Variants in AGPAT5 observed in about 807,000 individuals in gnomAD.
The protein encoded by AGPAT5 is 1-acyl-sn-glycerol-3-phosphate acyltransferase epsilon.
Under a neutral mutation model 45.6 loss-of-function variants are expected in AGPAT5, and 46 were observed. The ratio of observed to expected loss-of-function variants is 1.01; its 90% CI spans 0.80 to 1.29. The LOEUF is 1.29. Ranked by LOEUF, AGPAT5 falls within the 50% of genes most tolerant of loss-of-function variation. The pLI is 0.00. For synonymous variants in AGPAT5, 272 were observed against 167.0 expected (o/e 1.63, Z -4.85); for missense variants, 673 against 450.7 (o/e 1.49, Z -4.47).
In AGPAT5 at chr8:6,755,069, G is replaced by A. The variant is rs775113398; in HGVS notation, c.764G>A (p.Cys255Tyr). Residue 255 changes from cysteine to tyrosine, a missense_variant, in exon 7 of 8, where the codon TGT (cysteine) becomes TAT (tyrosine). By Grantham distance (194) the Cys-to-Tyr change is radical. Transcript: ENST00000285518. ...TTGTTAGAATTTCTCTGCAAAGAAT[G>A]TCCAAAAATTCATATTCACATTGAT... ...PTMTEFLCKECPKIHIHIDRI... is the reference protein window; with the variant it reads ...PTMTEFLCKEYPKIHIHIDRI... The A allele has an allele frequency of 2.5e-6, 4 of 1,592,828 alleles. No homozygotes were observed. Among genetic ancestry groups the A allele is most frequent in the Admixed American group, 3.7e-5 (2 of 54,084 alleles).
intron 1 of AGPAT5, among the ~76,000 whole-genome samples, chr8:6,719,801 G>T (rs1220604163): frequency 1.3e-5 from 2 of 152,148 alleles, no homozygotes; most frequent in African/African-American, 4.8e-5. Context: ...CCTAATGGTG[G>T]TATTCTACAT....
At position 6,710,429 on chromosome 8, in the gene AGPAT5, G is replaced by A. The variant is rs560183242; in HGVS notation, c.219+1542G>A. On this transcript the variant is annotated intron_variant, in intron 1 of 7. Transcript: ENST00000285518. ...AATTTTCATGCATTTATGAAAGGAT[G>A]CCTGAGGACCCTTAAGTATAATTCA... 4.6e-5 allele frequency among the ~76,000 whole-genome samples: 7 copies of A among 152,320 alleles called. No homozygotes were observed. The East Asian group carries it at 1.3e-3, about 29-fold the overall frequency.
At chr8:6,739,263 G>A (rs965735164) in intron 4 of AGPAT5, among the ~76,000 whole-genome samples, 15 of 151,942 alleles carry the variant, frequency 9.9e-5, no homozygotes, top group African/African-American at 3.6e-4. Flanking sequence ...AAGTTGTTTT[G>A]GCTATTTTAG....
chr8:6,732,094 T>G (rs983841454), intron 3 of AGPAT5, among the ~76,000 whole-genome samples: 1 of 152,140 alleles, frequency 6.6e-6, no homozygotes, highest in Non-Finnish European at 1.5e-5. Flanking sequence ...GTAGACTGAT[T>G]TGGGGGAACA....
At chr8:6,733,248 G>T (rs1800932050) in intron 4 of AGPAT5, among the ~76,000 whole-genome samples, 1 of 152,170 alleles carries the variant, frequency 6.6e-6, no homozygotes, top group Non-Finnish European at 1.5e-5. Flanking sequence ...GGCGACTTGG[G>T]CTTTCTCTTT....
At chr8:6,727,194 G>A (rs566177278) in intron 2 of AGPAT5, among the ~76,000 whole-genome samples, 1 of 152,282 alleles carries the variant, frequency 6.6e-6, no homozygotes, top group East Asian at 1.9e-4. Flanking sequence ...GAATAAATGA[G>A]TTTCCTGGCC....
chr8:6,756,720 C>T (rs1353335375), intron 7 of AGPAT5, among the ~76,000 whole-genome samples: 4 of 151,988 alleles, frequency 2.6e-5, no homozygotes, highest in African/African-American at 4.8e-5. Context: ...TGGTCTCTGC[C>T]GGGTATCCTG....
chr8:6,726,551 A>G (rs965880675), intron 2 of AGPAT5, among the ~76,000 whole-genome samples: 1 of 152,170 alleles, frequency 6.6e-6, no homozygotes, highest in Admixed American at 6.5e-5. Context: ...GATCACTAGT[A>G]CTGTTAATTT....
intron 6 of AGPAT5, among the ~76,000 whole-genome samples, chr8:6,753,330 C>T (rs1194466917): frequency 6.6e-6 from 1 of 152,064 alleles, no homozygotes; most frequent in African/African-American, 2.4e-5. Flanking sequence ...CTTGAAATAC[C>T]GGGTATCTGC....
chr8:6,737,540 T>C (rs938606258), intron 4 of AGPAT5, among the ~76,000 whole-genome samples: 19 of 152,224 alleles, frequency 1.2e-4, no homozygotes, highest in African/African-American at 4.3e-4. Context: ...AAGGAACTTA[T>C]TGGTTGTGGA....
chr8:6,743,549 A>G (rs1280324797), intron 5 of AGPAT5, among the ~76,000 whole-genome samples: 1 of 152,242 alleles, frequency 6.6e-6, no homozygotes, highest in Non-Finnish European at 1.5e-5. Context: ...TACCTCTTAT[A>G]GGAAACTTAG....
At chr8:6,728,126 G>A (rs929303363) in intron 2 of AGPAT5, among the ~76,000 whole-genome samples, 5 of 152,196 alleles carry the variant, frequency 3.3e-5, no homozygotes, top group Non-Finnish European at 7.3e-5. Flanking sequence ...TAGGGATGAG[G>A]AAATTAGACT....
At chr8:6,712,082 G>A (rs1401514662) in intron 1 of AGPAT5, among the ~76,000 whole-genome samples, 1 of 152,092 alleles carries the variant, frequency 6.6e-6, no homozygotes, top group Non-Finnish European at 1.5e-5. Flanking sequence ...TCAGTATTTT[G>A]TAGTTATTTC....
At chr8:6,752,760 G>C (rs980424759) in intron 6 of AGPAT5, among the ~76,000 whole-genome samples, 1 of 152,136 alleles carries the variant, frequency 6.6e-6, no homozygotes, top group Admixed American at 6.5e-5. Context: ...CATGTAACAT[G>C]AACTATCCTT....
chr8:6,747,812 G>C lies in AGPAT5; in HGVS notation c.729G>C (p.Glu243Asp), dbSNP rs1214134403. 1.9e-6 allele frequency: 3 copies of C among 1,614,130 alleles called. No homozygotes were observed. Among genetic ancestry groups the C allele is most frequent in the Non-Finnish European group, 1.7e-6 (2 of 1,180,002 alleles). The change falls in exon 6 of 8, where the codon GAG (glutamate) becomes GAC (aspartate). Residue 243 changes from glutamate (E) to aspartate (D), a missense_variant. Glu to Asp is a conservative substitution (Grantham distance 45, BLOSUM62 2). Coordinates refer to ENST00000285518, the MANE Select transcript of AGPAT5 (RefSeq NM_018361.5). The part of the protein sequence containing the change: ...EGKDDGGQRR[E>D]SPTMTEFLCK... ...AAGACGATGGAGGGCAGCGAAGAGA[G>C]TCACCGACCATGACGGGTAAGTGTG...
chr8:6,729,942 T>C (rs1800807688), intron 2 of AGPAT5, among the ~76,000 whole-genome samples: 1 of 152,226 alleles, frequency 6.6e-6, no homozygotes, highest in Non-Finnish European at 1.5e-5. Context: ...CTTTGTTTGA[T>C]TGCTGTCCTA....
intron 1 of AGPAT5, chr8:6,709,156 T>A: frequency 1.9e-6 from 1 of 538,482 alleles, no homozygotes; most frequent in South Asian, 2.0e-5. Flanking sequence ...TGATGCTGCT[T>A]AGCAAAGTGG....
chr8:6,717,909 T>C (rs28759314), intron 1 of AGPAT5, among the ~76,000 whole-genome samples: 3,388 of 152,274 alleles, frequency 0.022, 128 homozygotes, highest in African/African-American at 0.077. Flanking sequence ...CAGAGAGTAG[T>C]TTTGTCACAG....
At chr8:6,748,571 C>T (rs1234729831) in intron 6 of AGPAT5, among the ~76,000 whole-genome samples, 1 of 152,182 alleles carries the variant, frequency 6.6e-6, no homozygotes, top group Non-Finnish European at 1.5e-5. Flanking sequence ...GTGGCGCAAT[C>T]TTGGCTCACT....
Sources: gnomAD v4.1 joint callset for allele counts (sites outside exome capture counted in the v4.1 genomes callset) on GRCh38, gnomAD v4.1.1 for gene constraint, MANE v1.5 for transcripts, NCBI Gene and HGNC (gene_info 2026-07-23, HGNC 2026-07-21) for gene names.